Variants in KAT7 observed in about 807,000 individuals in gnomAD.
KAT7 encodes histone acetyltransferase KAT7.
In KAT7, 10 loss-of-function variants were observed where a neutral mutation model predicts 82.1. The observed-to-expected ratio is 0.12, with a 90% CI of 0.08 to 0.21. The LOEUF is 0.21. KAT7 is among the 10% of genes least tolerant of loss of function. KAT7 has a pLI of 1.00. For synonymous variants in KAT7, 250 were observed against 262.5 expected (o/e 0.95, Z 0.46); for missense variants, 378 against 760.9 (o/e 0.50, Z 5.92).
At position 49,829,518 on chromosome 17, in the gene KAT7, G is replaced by A. The variant is rs1011130498; in HGVS notation, c.*2016G>A. ...CAAGCTCATTCACCAGTATTGAGCA[G>A]TGTCACCTCTAATTATTGACTCTCT... is the stretch of plus-strand genomic sequence containing the variant. On this transcript the variant is annotated 3_prime_UTR_variant, in exon 15 of 15. Transcript: ENST00000259021. 1.1e-4 allele frequency: 16 copies of A among 152,312 alleles called. No homozygotes were observed. The highest frequency in any genetic ancestry group is 3.6e-4 in the African/African-American group (15 of 41,582). The allele number at this position is 152,312 out of a possible 1,614,324, so 9.4% of individuals were successfully genotyped here.
chr17:49,809,253 G>A (rs779152890), intron 6 of KAT7, 45 bp downstream of exon 6: 10 of 1,407,964 alleles, frequency 7.1e-6, no homozygotes, highest in Admixed American at 1.7e-5. Flanking sequence ...TTTGAGGTCC[G>A]TTTCTTGGAT....
rs186401116 is a variant in KAT7 at position 49,809,372 on chromosome 17, A to G, written c.753+164A>G. Among the ~76,000 whole-genome samples, 48 of 152,358 alleles carry G rather than the reference A, an allele frequency of 3.2e-4. No individual in the cohort carries two copies. The East Asian group carries it at 9.1e-3, about 29-fold the overall frequency. ...TTTTCAAACAGTAAATTTTCATAAA[A>G]CAAACACTTCTACCTCATGAATGAA... On this transcript the variant is annotated intron_variant, in intron 6 of 14. Transcript: ENST00000259021.
At position 49,832,666 on chromosome 17, in the gene KAT7, A is replaced by G. The variant is rs553840876; in HGVS notation, c.*5164A>G. On this transcript the variant is annotated 3_prime_UTR_variant, in exon 15 of 15. Transcript: ENST00000259021. The stretch of plus-strand genomic sequence containing the variant: ...CAAGCTCAAATAACCAATCCCATCA[A>G]GTGAAAAGAATGGCAGCAGGGAGAA... The G allele has an allele frequency of 6.6e-6, 1 of 152,354 alleles. No homozygotes were observed. Among genetic ancestry groups the G allele is most frequent in the South Asian group, 2.1e-4 (1 of 4,828 alleles). 9.4% of individuals were successfully genotyped at this position (152,354 alleles called of 1,614,324 possible).
intron 3 of KAT7, 138 bp downstream of exon 3, chr17:49,797,064 GTC>G: frequency 1.6e-6 from 1 of 624,294 alleles, no homozygotes; most frequent in Non-Finnish European, 2.7e-6. Context: ...CCTTTCTTAT[GTC>G]TTTTTTTTTT....
intron 7 of KAT7, among the ~76,000 whole-genome samples, chr17:49,813,592 C>T (rs1398651713): frequency 6.6e-6 from 1 of 151,956 alleles, no homozygotes; most frequent in Non-Finnish European, 1.5e-5. Flanking sequence ...GGAAATATTC[C>T]GGGAAAAAAA....
rs775781361 is a variant in KAT7, at chr17:49,832,392, G to C, written c.*4890G>C. 6.6e-6 allele frequency: 1 copy of C among 152,208 alleles called. No homozygotes were observed. The highest frequency in any genetic ancestry group is 1.5e-5 in the Non-Finnish European group (1 of 68,054). The allele number at this position is 152,208 out of a possible 1,614,324, so 9.4% of individuals were successfully genotyped here. A position where few individuals can be genotyped will look rare whatever the true frequency, so the allele number is the denominator to read the frequency against. ...CAAAACAAAGTCTCGAGCTGTACCA[G>C]GATCAAGCAGCACAGCTCAGCCATG... On this transcript the variant is annotated 3_prime_UTR_variant, in exon 15 of 15. Coordinates refer to ENST00000259021, the MANE Select transcript of KAT7 (RefSeq NM_007067.5).
intron 9 of KAT7, among the ~76,000 whole-genome samples, chr17:49,821,076 A>C (rs1206908520): frequency 1.3e-5 from 2 of 152,116 alleles, no homozygotes; most frequent in African/African-American, 4.8e-5. Context: ...GGTGATTTTA[A>C]TCTCCTGGGC....
At chr17:49,795,580 A>G in intron 2 of KAT7, 1 of 240,896 alleles carries the variant, frequency 4.2e-6, no homozygotes, top group East Asian at 1.0e-4. Flanking sequence ...TAAGTTTCAG[A>G]TGGCTTATTC....
chr17:49,792,536 G>A (rs922401693), intron 2 of KAT7, among the ~76,000 whole-genome samples: 10 of 151,948 alleles, frequency 6.6e-5, no homozygotes, highest in African/African-American at 2.4e-4. Flanking sequence ...GTGATATGTG[G>A]GCCAAATATT....
chr17:49,826,411 AAAGACATCCCTG>A, intron 13 of KAT7: 1 of 495,826 alleles, frequency 2.0e-6, no homozygotes, highest in African/African-American at 1.9e-5. Context: ...TCTTTCTGAG[AAAGACATCCCTG>A]TGTATTTATG....
At chr17:49,819,297 CA>C (rs1451221624) in intron 9 of KAT7, among the ~76,000 whole-genome samples, 1 of 152,160 alleles carries the variant, frequency 6.6e-6, no homozygotes, top group Non-Finnish European at 1.5e-5. Context: ...GACCCTGGCA[CA>C]CTTGACTGCA....
chr17:49,818,121 A>G, intron 9 of KAT7, 110 bp downstream of exon 9: 1 of 790,288 alleles, frequency 1.3e-6, no homozygotes, highest in Non-Finnish European at 2.1e-6. Flanking sequence ...AGTGGTCCTC[A>G]GCAGTGGGAT....
chr17:49,799,827 CTT>C (rs1182762465), intron 4 of KAT7, among the ~76,000 whole-genome samples: 3 of 139,916 alleles, frequency 2.1e-5, no homozygotes, highest in African/African-American at 2.6e-5. Context: ...TCAAGCTTGG[CTT>C]TTTTTTTTTT....
At chr17:49,811,866 G>A (rs973802063) in intron 7 of KAT7, among the ~76,000 whole-genome samples, 4 of 152,210 alleles carry the variant, frequency 2.6e-5, no homozygotes, top group African/African-American at 4.8e-5. Context: ...AAATTTACCC[G>A]CTAGAACACA....
At chr17:49,816,637 G>A (rs1037798761) in intron 8 of KAT7, among the ~76,000 whole-genome samples, 1 of 152,110 alleles carries the variant, frequency 6.6e-6, no homozygotes, top group Non-Finnish European at 1.5e-5. Flanking sequence ...ACTTGGCAGA[G>A]GCAGGGTTTG....
rs1285191366 is a variant in KAT7, at chr17:49,832,268, A to G, written c.*4766A>G. The G allele has an allele frequency of 6.6e-6, 1 of 152,192 alleles. No homozygotes were observed. Among genetic ancestry groups the G allele is most frequent in the African/African-American group, 2.4e-5 (1 of 41,412 alleles). The allele number at this position is 152,192 out of a possible 1,614,324, so 9.4% of individuals were successfully genotyped here. On this transcript the variant is annotated 3_prime_UTR_variant, in exon 15 of 15. Transcript: ENST00000259021. Reference sequence around the variant, plus strand: ...ACTGCGCCCAGCCAAGTAACTTTTAACAGTGTGGTATAACCTTTAAATGAC... The same window carrying G: ...ACTGCGCCCAGCCAAGTAACTTTTAGCAGTGTGGTATAACCTTTAAATGAC...
chr17:49,792,152 A>G, intron 2 of KAT7, 119 bp downstream of exon 2: 1 of 919,478 alleles, frequency 1.1e-6, no homozygotes, highest in Non-Finnish European at 1.6e-6. Context: ...ACAGTGCACC[A>G]GATGATTGGT....
At position 49,815,841 on chromosome 17, in the gene KAT7, T is replaced by C; in HGVS notation, c.891T>C (p.Leu297=). ...RQTYGNTREP[L]LENLTSEYDL... ...CCTATGGGAACACACGGGAACCTCT[T>C]TTAGAAAACCTGACAAGCGAGTATG... The change falls in exon 8 of 15, where the codon CTT becomes CTC. Residue 297 remains leucine, a synonymous_variant. Coordinates refer to ENST00000259021, the MANE Select transcript of KAT7 (RefSeq NM_007067.5). 1 of 1,613,400 alleles carries C rather than the reference T, an allele frequency of 6.2e-7. No individual in the cohort carries two copies.
rs569379288 is a variant in KAT7, at chr17:49,807,484, C to A, written c.664-1635C>A. On this transcript the variant is annotated intron_variant, in intron 5 of 14. Coordinates refer to ENST00000259021, the MANE Select transcript of KAT7 (RefSeq NM_007067.5). ...TTTGAGAGGCTGAATGAAAGTAGGC[C>A]GTGTATGGCTGGATCCAGATCATAA... Among the ~76,000 whole-genome samples, 3 of 152,216 alleles carry A rather than the reference C, an allele frequency of 2.0e-5. No homozygotes were observed. The South Asian group carries it at 6.2e-4, about 32-fold the overall frequency.
Sources: allele counts gnomAD v4.1 joint callset (sites outside exome capture counted in the v4.1 genomes callset), GRCh38; gene constraint gnomAD v4.1.1; transcripts MANE v1.5; gene names NCBI Gene and HGNC (gene_info 2026-07-23, HGNC 2026-07-21).